PAPSS1: variants seen among roughly 807,000 people sequenced by gnomAD.
PAPSS1 encodes 3'-phosphoadenosine 5'-phosphosulfate synthase 1.
A neutral mutation model predicts 72.0 loss-of-function variants in PAPSS1; 50 were observed. The ratio of observed to expected loss-of-function variants is 0.69; its 90% CI spans 0.55 to 0.88. The LOEUF (loss-of-function observed/expected upper bound fraction) is 0.88, where lower values mean the gene tolerates loss of function less well. PAPSS1 is among the 40% of genes least tolerant of loss of function. The probability of loss-of-function intolerance (pLI) is 0.00; values close to 1 mark genes in which losing one functional copy is unlikely to be tolerated. For synonymous variants in PAPSS1, 261 were observed against 263.6 expected (o/e 0.99, Z 0.09); for missense variants, 657 against 782.2 (o/e 0.84, Z 1.91).
At chr4:107,667,846 A>C (rs144924006) in intron 5 of PAPSS1, among the ~76,000 whole-genome samples, 2 of 152,326 alleles carry the variant, frequency 1.3e-5, no homozygotes, top group East Asian at 3.9e-4. Flanking sequence ...ACTTACATAG[A>C]ACAAGCATTT....
At chr4:107,642,255 T>A (rs997007009) in intron 10 of PAPSS1, among the ~76,000 whole-genome samples, 4 of 152,134 alleles carry the variant, frequency 2.6e-5, no homozygotes, top group African/African-American at 9.7e-5. Flanking sequence ...TACATATTTT[T>A]AAAAATATTT....
intron 9 of PAPSS1, among the ~76,000 whole-genome samples, chr4:107,652,460 A>G (rs1441349020): frequency 6.6e-6 from 1 of 152,198 alleles, no homozygotes; most frequent in East Asian, 1.9e-4. Context: ...CCTGTCCTGG[A>G]GTGCTTTATA....
intron 10 of PAPSS1, among the ~76,000 whole-genome samples, chr4:107,641,197 A>G (rs975416257): frequency 4.6e-5 from 7 of 151,988 alleles, no homozygotes; most frequent in African/African-American, 1.5e-4. Context: ...AGAATCCTCT[A>G]CTCTCAGTAT....
intron 10 of PAPSS1, among the ~76,000 whole-genome samples, chr4:107,637,404 T>C (rs1249419970): frequency 2.6e-5 from 4 of 152,218 alleles, no homozygotes; most frequent in African/African-American, 4.8e-5. Context: ...ACTTTTCAAA[T>C]TTAATTACAT....
At chr4:107,700,087 G>A (rs928750003) in intron 2 of PAPSS1, among the ~76,000 whole-genome samples, 3 of 152,146 alleles carry the variant, frequency 2.0e-5, no homozygotes, top group Non-Finnish European at 2.9e-5. Flanking sequence ...GGAAGAATGT[G>A]AGAGTGTATC....
At chr4:107,703,646 G>A (rs1050867496) in intron 1 of PAPSS1, among the ~76,000 whole-genome samples, 1 of 151,988 alleles carries the variant, frequency 6.6e-6, no homozygotes, top group African/African-American at 2.4e-5. Flanking sequence ...TGGCACCTTT[G>A]TCAAAAATCA....
chr4:107,641,628 AGCT>A (rs1298135168), intron 10 of PAPSS1, among the ~76,000 whole-genome samples: 3 of 152,242 alleles, frequency 2.0e-5, no homozygotes, highest in Non-Finnish European at 4.4e-5. Context: ...CATGCAAAGC[AGCT>A]ATTCATTGAG....
intron 5 of PAPSS1, among the ~76,000 whole-genome samples, chr4:107,664,294 A>G (rs2110325613): frequency 6.6e-6 from 1 of 152,124 alleles, no homozygotes; most frequent in Non-Finnish European, 1.5e-5. Flanking sequence ...GGGCTTGACT[A>G]CTCTCCCCCA....
chr4:107,617,207 CTTTT>C (rs111248344), intron 11 of PAPSS1, among the ~76,000 whole-genome samples: 5 of 132,798 alleles, frequency 3.8e-5, no homozygotes, highest in Non-Finnish European at 6.5e-5. Flanking sequence ...GAGTCTTCGG[CTTTT>C]TTTTTTTTTT....
chr4:107,653,435 G>A lies in PAPSS1; in HGVS notation c.1237+56C>T, dbSNP rs188971517. On this transcript the variant is annotated intron_variant, in intron 9 of 11. Coordinates refer to ENST00000265174, the MANE Select transcript of PAPSS1 (RefSeq NM_005443.5). Reference sequence around the variant, plus strand: ...ATTTTCGTAAGCACTGGAAAAAATCGTCTAGAACTTTCTCTCCAAGCCGGC... The same window carrying A: ...ATTTTCGTAAGCACTGGAAAAAATCATCTAGAACTTTCTCTCCAAGCCGGC... 38 of 1,534,100 alleles carry A rather than the reference G, an allele frequency of 2.5e-5. No homozygotes were observed. In the Admixed American group the frequency reaches 2.7e-4, roughly 11 times the overall value.
chr4:107,644,232 A>G (rs1292310336), intron 10 of PAPSS1, among the ~76,000 whole-genome samples: 2 of 152,222 alleles, frequency 1.3e-5, no homozygotes, highest in Non-Finnish European at 2.9e-5. Flanking sequence ...AGAAAACAGC[A>G]GAAGAAAGCA....
chr4:107,643,098 C>A (rs1469277506), intron 10 of PAPSS1, among the ~76,000 whole-genome samples: 1 of 152,110 alleles, frequency 6.6e-6, no homozygotes, highest in Non-Finnish European at 1.5e-5. Flanking sequence ...AACAATCTGC[C>A]ACTAATTACA....
chr4:107,664,748 T>C (rs1727270180), intron 5 of PAPSS1, among the ~76,000 whole-genome samples: 1 of 152,222 alleles, frequency 6.6e-6, no homozygotes, highest in Admixed American at 6.5e-5. Context: ...ATCTATACTG[T>C]AAGCCCCATC....
At chr4:107,674,715 A>C (rs556467524) in intron 5 of PAPSS1, among the ~76,000 whole-genome samples, 29 of 152,162 alleles carry the variant, frequency 1.9e-4, no homozygotes, top group African/African-American at 6.5e-4. Flanking sequence ...TCCACCCCAA[A>C]TCAACAGAAT....
rs759120437 is a variant in PAPSS1, at chr4:107,681,973, T to G, written c.669+42A>C. 2.3e-5 allele frequency: 22 copies of G among 937,918 alleles called. No homozygotes were observed. In the Admixed American group the frequency reaches 3.5e-4, roughly 15 times the overall value. 58.1% of individuals were successfully genotyped at this position (937,918 alleles called of 1,614,324 possible). On this transcript the variant is annotated intron_variant, in intron 5 of 11. Transcript: ENST00000265174. ...TGGAGGGGAAAGATTATGAGAGAGA[T>G]ATAATTTTTCTCTGATGATTCCTTC...
intron 3 of PAPSS1, among the ~76,000 whole-genome samples, chr4:107,692,511 A>G (rs1722954523): frequency 6.6e-6 from 1 of 152,170 alleles, no homozygotes; most frequent in South Asian, 2.1e-4. Context: ...TCGTGGAGAA[A>G]AAGAAATGCT....
chr4:107,675,275 G>A (rs1668329888), intron 5 of PAPSS1, among the ~76,000 whole-genome samples: 1 of 152,026 alleles, frequency 6.6e-6, no homozygotes, highest in Non-Finnish European at 1.5e-5. Context: ...CAACAAAATT[G>A]ATAGACCACT....
chr4:107,629,790 A>G (rs1174758991), intron 11 of PAPSS1, among the ~76,000 whole-genome samples: 1 of 152,210 alleles, frequency 6.6e-6, no homozygotes, highest in Non-Finnish European at 1.5e-5. Flanking sequence ...GGAGGGCCAA[A>G]GAACAATAAC....
At position 107,682,059 on chromosome 4, in the gene PAPSS1, C is replaced by T. The variant is rs1032862436; in HGVS notation, c.625G>A (p.Val209Ile). The change falls in exon 5 of 12, where the codon GTA becomes ATA. Residue 209 changes from valine (V) to isoleucine (I), a missense_variant. Physicochemically the swap from Val to Ile is conservative, Grantham distance 29. Around this residue, in one of 7 missense-constraint regions of PAPSS1, gnomAD observed 28 missense variants for 60.8 expected, o/e 0.46. Transcript: ENST00000265174. Reference sequence around the variant, plus strand: ...ACAACTTGCTGGACACAGTCATTTACATCACAGGAGTCTGTTTTCAGCACC... The same window carrying T: ...ACAACTTGCTGGACACAGTCATTTATATCACAGGAGTCTGTTTTCAGCACC... ...ELVLKTDSCD[V>I]NDCVQQVVEL... The T allele has an allele frequency of 3.7e-6, 6 of 1,610,298 alleles. No homozygotes were observed. Among genetic ancestry groups the T allele is most frequent in the Non-Finnish European group, 5.1e-6 (6 of 1,177,070 alleles).
Sources: gnomAD v4.1 joint callset for allele counts (sites outside exome capture counted in the v4.1 genomes callset) on GRCh38, gnomAD v4.1.1 for gene constraint, gnomAD v4.1.1 regional missense constraint, MANE v1.5 for transcripts, NCBI Gene and HGNC (gene_info 2026-07-23, HGNC 2026-07-21) for gene names.